GABRG1: variants seen among roughly 807,000 people sequenced by gnomAD.
The protein encoded by GABRG1 is gamma-aminobutyric acid type A receptor subunit gamma1, also known as gamma-aminobutyric acid receptor subunit gamma-1.
In GABRG1, 49 loss-of-function variants were observed where a neutral mutation model predicts 49.8. That is an observed-to-expected ratio of 0.98 (90% CI 0.78 to 1.25). The LOEUF (loss-of-function observed/expected upper bound fraction) is 1.25, where lower values mean the gene tolerates loss of function less well. GABRG1 is among the 50% of genes most tolerant of loss of function. GABRG1 has a pLI of 0.00. For synonymous variants in GABRG1, 232 were observed against 185.1 expected (o/e 1.25, Z -2.06); for missense variants, 552 against 552.3 (o/e 1.00, Z 0.01).
intron 2 of GABRG1, among the ~76,000 whole-genome samples, chr4:46,091,613 T>C (rs1177512540): frequency 2.0e-5 from 3 of 151,950 alleles, no homozygotes; most frequent in Non-Finnish European, 4.4e-5. Flanking sequence ...GTGAGAAACA[T>C]TGAACGGGAA....
chr4:46,076,740 A>G (rs1374156526), intron 3 of GABRG1, among the ~76,000 whole-genome samples: 1 of 151,654 alleles, frequency 6.6e-6, no homozygotes, highest in South Asian at 2.1e-4. Context: ...ACTAACCCAT[A>G]AAAAACTAAA....
At chr4:46,056,285 C>T (rs1469455220) in intron 7 of GABRG1, among the ~76,000 whole-genome samples, 1 of 151,486 alleles carries the variant, frequency 6.6e-6, no homozygotes, top group Non-Finnish European at 1.5e-5. Flanking sequence ...TTTTCTGTGA[C>T]TATTCATTCA....
chr4:46,084,347 T>C (rs1719678012), intron 2 of GABRG1, among the ~76,000 whole-genome samples: 1 of 151,684 alleles, frequency 6.6e-6, no homozygotes, highest in Non-Finnish European at 1.5e-5. Context: ...TGCTCAGTTA[T>C]CCTTTTCAAA....
chr4:46,123,277 C>T (rs1577676765), intron 1 of GABRG1, among the ~76,000 whole-genome samples: 1 of 151,956 alleles, frequency 6.6e-6, no homozygotes, highest in African/African-American at 2.4e-5. Context: ...ATTTTTAATG[C>T]TGATAGATTT....
rs1182767573 is a variant in GABRG1 at position 46,041,101 on chromosome 4, C to T, written c.1285G>A (p.Glu429Lys). ...FEDCRTGSWREGRIHIRIAKI... is the reference protein window; with the variant it reads ...FEDCRTGSWRKGRIHIRIAKI... ...GCAATGCGTATGTGTATCCTTCCTT[C>T]CCTCCAAGATCCTGTTCTGCAGTCT... The change falls in exon 9 of 9, where the codon GAA (glutamate) becomes AAA (lysine). Residue 429 changes from glutamate (E) to lysine (K), a missense_variant. By Grantham distance (56) the Glu-to-Lys change is moderately conservative. Transcript: ENST00000295452. The T allele has an allele frequency of 1.9e-6, 3 of 1,613,082 alleles. No individual in the cohort carries two copies. The highest frequency in any genetic ancestry group is 3.3e-5 in the Admixed American group (2 of 59,838).
intron 3 of GABRG1, among the ~76,000 whole-genome samples, chr4:46,074,534 T>G (rs188862843): frequency 6.6e-6 from 1 of 152,218 alleles, no homozygotes; most frequent in East Asian, 1.9e-4. Flanking sequence ...TACCAGGAAA[T>G]CCAAGGCTTA....
Position 46,040,131 on chromosome 4 carries a change from A to G in GABRG1, c.*857T>C, listed in dbSNP as rs1266092667. ...AGGGACTGCAACACTTTCATAAAACATAAAGAAAAAAATAATCATTTCTCT... is the reference window on the plus strand; with the variant it reads ...AGGGACTGCAACACTTTCATAAAACGTAAAGAAAAAAATAATCATTTCTCT... On this transcript the variant is annotated 3_prime_UTR_variant, in exon 9 of 9. Coordinates refer to ENST00000295452, the MANE Select transcript of GABRG1 (RefSeq NM_173536.4). The G allele has an allele frequency of 2.0e-5, 3 of 151,958 alleles. No individual in the cohort carries two copies. The highest frequency in any genetic ancestry group is 2.1e-4 in the South Asian group (1 of 4,836). The allele number at this position is 151,958 out of a possible 1,614,324, so 9.4% of individuals were successfully genotyped here.
Position 46,052,436 on chromosome 4 carries a change from T to C in GABRG1, c.917-798A>G, listed in dbSNP as rs1718265796. ...TAAGTGAGGAATACTGGCACAGTTA[T>C]ATCAAGGGAATACTGCTTTGAAAGC... On this transcript the variant is annotated intron_variant, in intron 7 of 8. Transcript: ENST00000295452. Among the ~76,000 whole-genome samples, 3 of 151,874 alleles carry C rather than the reference T, an allele frequency of 2.0e-5. No homozygotes were observed. In the Admixed American group the frequency reaches 2.0e-4, roughly 10 times the overall value.
intron 3 of GABRG1, among the ~76,000 whole-genome samples, chr4:46,075,037 T>C (rs913102080): frequency 2.6e-5 from 4 of 151,908 alleles, no homozygotes; most frequent in Non-Finnish European, 5.9e-5. Context: ...TCTAAGACTC[T>C]ATGATCATGA....
At chr4:46,097,030 G>A (rs943165704) in intron 2 of GABRG1, among the ~76,000 whole-genome samples, 171 bp downstream of exon 2, 4 of 151,280 alleles carry the variant, frequency 2.6e-5, no homozygotes, top group African/African-American at 9.7e-5. Context: ...TCTTATTTCA[G>A]ACTGTGAACT....
At chr4:46,047,576 C>T (rs2109394619) in intron 8 of GABRG1, among the ~76,000 whole-genome samples, 1 of 152,126 alleles carries the variant, frequency 6.6e-6, no homozygotes, top group East Asian at 1.9e-4. Context: ...AGGCATAGGC[C>T]ACATAGGTCT....
intron 3 of GABRG1, among the ~76,000 whole-genome samples, chr4:46,073,994 C>T (rs562845542): frequency 2.6e-5 from 4 of 152,208 alleles, no homozygotes; most frequent in Non-Finnish European, 2.9e-5. Context: ...AACTATACTT[C>T]CCCATTACAG....
chr4:46,044,285 C>A (rs562285787), intron 8 of GABRG1, among the ~76,000 whole-genome samples: 70 of 152,030 alleles, frequency 4.6e-4, no homozygotes, highest in African/African-American at 1.7e-3. Context: ...CCAGCCTGGG[C>A]AACATGGCAA....
chr4:46,059,751 A>C (rs1718600974), intron 5 of GABRG1, among the ~76,000 whole-genome samples: 1 of 151,990 alleles, frequency 6.6e-6, no homozygotes, highest in African/African-American at 2.4e-5. Context: ...GTGAAAGTTA[A>C]CATGAATGCA....
chr4:46,059,239 C>T (rs76751581), intron 5 of GABRG1, among the ~76,000 whole-genome samples: 2,691 of 152,144 alleles, frequency 0.018, 90 homozygotes, highest in African/African-American at 0.06. Context: ...GCTCTAGTAA[C>T]ATTATTATGC....
rs796823278 is a variant in GABRG1 at position 46,036,365 on chromosome 4, CT to C, written c.*4622del. ...GAAATGGTTATTTGAATAGAAAACTCTTTTAGTGAGGAACATTTTTCAAAAA... is the reference window on the plus strand; with the variant it reads ...GAAATGGTTATTTGAATAGAAAACTCTTTAGTGAGGAACATTTTTCAAAAA... On this transcript the variant is annotated 3_prime_UTR_variant, in exon 9 of 9. Transcript: ENST00000295452. 9 of 151,804 alleles carry C rather than the reference CT, an allele frequency of 5.9e-5. No homozygotes were observed. The highest frequency in any genetic ancestry group is 2.2e-4 in the African/African-American group (9 of 41,486). The allele number at this position is 151,804 out of a possible 1,614,324, so 9.4% of individuals were successfully genotyped here.
chr4:46,084,392 T>A (rs947773756), intron 2 of GABRG1, among the ~76,000 whole-genome samples: 2 of 151,680 alleles, frequency 1.3e-5, no homozygotes, highest in African/African-American at 4.8e-5. Context: ...CGAGTACTTA[T>A]CACTCATAAT....
intron 3 of GABRG1, among the ~76,000 whole-genome samples, chr4:46,071,633 C>A (rs1719127299): frequency 6.6e-6 from 1 of 151,090 alleles, no homozygotes; most frequent in Non-Finnish European, 1.5e-5. Context: ...TCTAGTGGGA[C>A]AAGATGTGGA....
intron 2 of GABRG1, among the ~76,000 whole-genome samples, chr4:46,084,454 A>G (rs1196259385): frequency 1.3e-5 from 2 of 151,618 alleles, no homozygotes; most frequent in Non-Finnish European, 1.5e-5. Flanking sequence ...TAATACACAC[A>G]CAAGTCTGGC....
Sources: gnomAD v4.1 joint callset for allele counts (sites outside exome capture counted in the v4.1 genomes callset) on GRCh38, gnomAD v4.1.1 for gene constraint, MANE v1.5 for transcripts, NCBI Gene and HGNC (gene_info 2026-07-23, HGNC 2026-07-21) for gene names.